Variants in SRGAP3 observed in about 807,000 individuals in gnomAD.
SRGAP3 encodes SLIT-ROBO Rho GTPase activating protein 3.
A neutral mutation model predicts 121.1 loss-of-function variants in SRGAP3; 39 were observed. The observed-to-expected ratio is 0.32, with a 90% CI of 0.25 to 0.42. The LOEUF (loss-of-function observed/expected upper bound fraction) is 0.42. SRGAP3 is among the 10% of genes least tolerant of loss of function. SRGAP3 has a pLI of 1.00. For synonymous variants in SRGAP3, 601 were observed against 570.0 expected, an observed-to-expected ratio of 1.05 and a Z score of -0.77; for missense variants, 1,213 against 1,470.6, an observed-to-expected ratio of 0.82 and a Z score of 2.86.
At chr3:9,186,205 C>G (rs1010877197) in intron 1 of SRGAP3, among the ~76,000 whole-genome samples, 6 of 152,196 alleles carry the variant, frequency 3.9e-5, no homozygotes, top group African/African-American at 1.4e-4. Flanking sequence ...GCCTGGAAGG[C>G]TTTTCTCTGC....
At chr3:9,177,753 C>T (rs1239550252) in intron 1 of SRGAP3, among the ~76,000 whole-genome samples, 4 of 152,184 alleles carry the variant, frequency 2.6e-5, no homozygotes, top group Non-Finnish European at 4.4e-5. Flanking sequence ...CACCACCTCC[C>T]ATTCTTACTC....
upstream of SRGAP3, among the ~76,000 whole-genome samples, chr3:9,252,439 C>T (rs146736341): frequency 1.5e-3 from 235 of 151,886 alleles, 4 homozygotes; most frequent in East Asian, 0.034. Context: ...TCTTTAATTA[C>T]CCAGCCCCAG....
chr3:9,112,039 G>T (rs1431881379), intron 2 of SRGAP3, among the ~76,000 whole-genome samples: 1 of 152,202 alleles, frequency 6.6e-6, no homozygotes, highest in South Asian at 2.1e-4. Flanking sequence ...AGCTAGGGGA[G>T]CCAGGCCTTG....
At chr3:9,303,768 A>T (rs1955109069) in intron 3 of SRGAP3, among the ~76,000 whole-genome samples, 1 of 152,228 alleles carries the variant, frequency 6.6e-6, no homozygotes, top group Non-Finnish European at 1.5e-5. Flanking sequence ...GGCGATTTAC[A>T]CTTGATAAAC....
At chr3:9,078,946 G>A (rs963400601) in intron 4 of SRGAP3, among the ~76,000 whole-genome samples, 9 of 152,186 alleles carry the variant, frequency 5.9e-5, no homozygotes, top group African/African-American at 1.4e-4. Context: ...CTAGAGTTCC[G>A]TAGCTTGTTG....
intron 3 of SRGAP3, among the ~76,000 whole-genome samples, chr3:9,320,550 C>T (rs1955423005): frequency 6.6e-6 from 1 of 151,932 alleles, no homozygotes; most frequent in Non-Finnish European, 1.5e-5. Context: ...TTGCTTTCCG[C>T]CATGATTGGA....
At chr3:9,068,539 C>T (rs987635149) in intron 4 of SRGAP3, among the ~76,000 whole-genome samples, 7 of 152,126 alleles carry the variant, frequency 4.6e-5, no homozygotes, top group Non-Finnish European at 1.0e-4. Flanking sequence ...CCAAGAATAA[C>T]AGTGAACTCC....
chr3:9,259,546 G>C (rs755004492), intron 3 of SRGAP3, among the ~76,000 whole-genome samples: 36 of 152,176 alleles, frequency 2.4e-4, no homozygotes, highest in Non-Finnish European at 4.1e-4. Context: ...TGGGCTCAAA[G>C]GATCTTCCTG....
intron 1 of SRGAP3, among the ~76,000 whole-genome samples, chr3:9,174,464 G>A (rs1951102058): frequency 6.6e-6 from 1 of 152,228 alleles, no homozygotes; most frequent in Non-Finnish European, 1.5e-5. Flanking sequence ...AGAAAGCAAG[G>A]TGGAGGGAGT....
At chr3:9,043,319 A>G (rs1228725976) in intron 10 of SRGAP3, among the ~76,000 whole-genome samples, 1 of 151,988 alleles carries the variant, frequency 6.6e-6, no homozygotes, top group Non-Finnish European at 1.5e-5. Flanking sequence ...ACCGGGCTCA[A>G]TTATCATTGT....
chr3:9,296,202 T>C (rs1012879330), intron 3 of SRGAP3, among the ~76,000 whole-genome samples: 6 of 152,222 alleles, frequency 3.9e-5, no homozygotes, highest in African/African-American at 9.6e-5. Context: ...ATCTAATTTT[T>C]TGAGGAACAA....
At chr3:9,091,613 G>T (rs895157902) in intron 3 of SRGAP3, among the ~76,000 whole-genome samples, 1 of 152,102 alleles carries the variant, frequency 6.6e-6, no homozygotes, top group African/African-American at 2.4e-5. Context: ...AGAGGATCAG[G>T]CTTCTCCAGC....
intron 4 of SRGAP3, chr3:9,065,266 T>C (rs1269974683): frequency 2.6e-5 from 4 of 151,994 alleles, no homozygotes; most frequent in African/African-American, 9.7e-5. Context: ...TCTACTTCCA[T>C]AATAAAAAAA....
In SRGAP3 at chr3:9,141,077, C is replaced by T. The variant is rs73144585; in HGVS notation, c.68-16160G>A. The stretch of plus-strand genomic sequence containing the variant: ...TTAATACTAAATAATAACCATATCG[C>T]CTCCAGCTTATGACTCTGGAAACCT... On this transcript the variant is annotated intron_variant, in intron 1 of 21. Coordinates refer to ENST00000383836, the MANE Select transcript of SRGAP3 (RefSeq NM_014850.4). 7.9e-3 allele frequency among the ~76,000 whole-genome samples: 1,198 copies of T among 152,312 alleles called. 18 individuals are homozygous for T. The highest frequency in any genetic ancestry group is 0.027 in the African/African-American group (1,137 of 41,568).
At chr3:9,256,212 A>G (rs189962581) in intron 3 of SRGAP3, among the ~76,000 whole-genome samples, 15 of 152,202 alleles carry the variant, frequency 9.9e-5, no homozygotes, top group African/African-American at 3.4e-4. Context: ...TTCTAAGAAC[A>G]TTCCCATTAC....
In SRGAP3 at chr3:8,988,556, A is replaced by AGTGCATTCCAGGGGCAGGTC. The variant is rs529894656; in HGVS notation, c.2886+1936_2886+1955dup. Among the ~76,000 whole-genome samples, 297 of 152,314 alleles carry AGTGCATTCCAGGGGCAGGTC rather than the reference A, an allele frequency of 1.9e-3. 2 individuals carry two copies. Among genetic ancestry groups the AGTGCATTCCAGGGGCAGGTC allele is most frequent in the African/African-American group, 6.4e-3 (267 of 41,564 alleles). ...CTGAGAACACATGCAGCAGGCCCCA[A>AGTGCATTCCAGGGGCAGGTC]GTGCATTCCAGGGGCAGGTCGTGCA... On this transcript the variant is annotated intron_variant, in intron 21 of 21. Transcript: ENST00000383836.
chr3:9,135,472 C>G (rs58474396), intron 1 of SRGAP3, among the ~76,000 whole-genome samples: 4,859 of 152,206 alleles, frequency 0.032, 238 homozygotes, highest in African/African-American at 0.11. Flanking sequence ...GGTCCCTTGC[C>G]CTCCAACTCC....
At chr3:9,042,728 G>A (rs1945079887) in intron 10 of SRGAP3, among the ~76,000 whole-genome samples, 1 of 152,216 alleles carries the variant, frequency 6.6e-6, no homozygotes, top group Admixed American at 6.5e-5. Context: ...AAAATTTTCA[G>A]GTAGACACAA....
chr3:9,325,074 T>A (rs1020283000), intron 3 of SRGAP3, among the ~76,000 whole-genome samples: 41 of 151,904 alleles, frequency 2.7e-4, no homozygotes, highest in African/African-American at 8.7e-4. Flanking sequence ...AGTCCCAGCA[T>A]GTCATTCATA....
Sources: allele counts gnomAD v4.1 joint callset (sites outside exome capture counted in the v4.1 genomes callset), GRCh38; gene constraint gnomAD v4.1.1; transcripts MANE v1.5; gene names NCBI Gene and HGNC (gene_info 2026-07-23, HGNC 2026-07-21).